The following RILPL1 variants were observed in gnomAD, a reference collection of about 807,000 sequenced individuals.
The protein encoded by RILPL1 is Rab interacting lysosomal protein like 1.
RILPL1 carries 33 observed loss-of-function variants against 50.3 expected under a neutral mutation model. The observed-to-expected ratio is 0.66, with a 90% CI of 0.50 to 0.88. The LOEUF (loss-of-function observed/expected upper bound fraction) is 0.88. RILPL1 is among the 40% of genes least tolerant of loss of function. The pLI is 0.00. For synonymous variants in RILPL1, 205 were observed against 228.6 expected (o/e 0.90, Z 0.93); for missense variants, 418 against 542.5 (o/e 0.77, Z 2.28).
chr12:123,523,483 A>AC lies in RILPL1; in HGVS notation c.460+11dup. The AC allele has an allele frequency of 6.2e-7, 1 of 1,613,708 alleles. No individual in the cohort carries two copies. The highest frequency in any genetic ancestry group is 2.2e-5 in the East Asian group (1 of 44,866). Reference sequence around the variant, plus strand: ...GGCCGGCCCCCTTGCATTGGCGCCGACCCCCACTTACCTTCATGCTTCTGG... The same window carrying AC: ...GGCCGGCCCCCTTGCATTGGCGCCGACCCCCCACTTACCTTCATGCTTCTGG... On this transcript the variant is annotated intron_variant, in intron 2 of 6. Coordinates refer to ENST00000376874, the MANE Select transcript of RILPL1 (RefSeq NM_178314.5).
intron 2 of RILPL1, among the ~76,000 whole-genome samples, chr12:123,507,361 G>A (rs1358561586): frequency 6.6e-6 from 1 of 150,494 alleles, no homozygotes; most frequent in Non-Finnish European, 1.5e-5. Context: ...CCAGGAGTTC[G>A]AGACCAGCCA....
intron 4 of RILPL1, among the ~76,000 whole-genome samples, chr12:123,493,178 A>AT (rs1882812872): frequency 6.6e-6 from 1 of 152,242 alleles, no homozygotes; most frequent in Non-Finnish European, 1.5e-5. Context: ...GATAGGGAAA[A>AT]ACCGCCTTAA....
chr12:123,523,613 C>T lies in RILPL1; in HGVS notation c.342G>A (p.Gly114=). 1 of 1,613,880 alleles carries T rather than the reference C, an allele frequency of 6.2e-7. No individual in the cohort carries two copies. Among genetic ancestry groups the T allele is most frequent in the Non-Finnish European group, 8.5e-7 (1 of 1,179,882 alleles). The change falls in exon 2 of 7, where the codon GGG becomes GGA. Residue 114 remains glycine, a synonymous_variant. Coordinates refer to ENST00000376874, the MANE Select transcript of RILPL1 (RefSeq NM_178314.5). The part of the protein sequence containing the change: ...ELELVEDVWR[G]EAQDLLSQIA... ...TCTGGGAGAGGAGGTCCTGCGCCTC[C>T]CCTCGCCACACATCCTCCACCAGCT...
intron 1 of RILPL1, among the ~76,000 whole-genome samples, chr12:123,530,160 T>C (rs1418567859): frequency 3.9e-5 from 6 of 152,134 alleles, no homozygotes; most frequent in Admixed American, 3.3e-4. Flanking sequence ...TTAACCTCAC[T>C]GGTTTGTTGT....
intron 2 of RILPL1, among the ~76,000 whole-genome samples, chr12:123,517,664 C>T (rs1485751910): frequency 6.6e-6 from 1 of 152,090 alleles, no homozygotes; most frequent in Non-Finnish European, 1.5e-5. Flanking sequence ...CCAAGTGATC[C>T]ACCCGCCTCA....
At chr12:123,486,314 G>A (rs1882331193) in intron 4 of RILPL1, among the ~76,000 whole-genome samples, 1 of 152,064 alleles carries the variant, frequency 6.6e-6, no homozygotes, top group African/African-American at 2.4e-5. Flanking sequence ...CTCCTCCCCA[G>A]TGGCTTTGAG....
At chr12:123,511,384 G>A (rs1485354054) in intron 2 of RILPL1, among the ~76,000 whole-genome samples, 31 of 148,960 alleles carry the variant, frequency 2.1e-4, no homozygotes, top group Non-Finnish European at 4.5e-4. Context: ...AGGTCTGTGT[G>A]TGTGGTGTGT....
chr12:123,518,389 C>T (rs1040468637), intron 2 of RILPL1: 22 of 404,844 alleles, frequency 5.4e-5, no homozygotes, highest in Non-Finnish European at 9.8e-5. Flanking sequence ...CACCTGTCAT[C>T]CCAGCTACTT....
At position 123,508,725 on chromosome 12, in the gene RILPL1, C is replaced by T. The variant is rs181992860; in HGVS notation, c.461-9189G>A. Among the ~76,000 whole-genome samples, 13 of 152,144 alleles carry T rather than the reference C, an allele frequency of 8.5e-5. No individual in the cohort carries two copies. The East Asian group carries it at 1.9e-3, about 23-fold the overall frequency. Reference sequence around the variant, plus strand: ...ATACCTCAATTTAAAATGTTAAGGCCGGGCACAGTGGCTCGTGCCTGTAAT... The same window carrying T: ...ATACCTCAATTTAAAATGTTAAGGCTGGGCACAGTGGCTCGTGCCTGTAAT... On this transcript the variant is annotated intron_variant, in intron 2 of 6. Coordinates refer to ENST00000376874, the MANE Select transcript of RILPL1 (RefSeq NM_178314.5).
chr12:123,484,327 G>A, intron 5 of RILPL1, 55 bp from the exon 6 acceptor site: 1 of 1,134,622 alleles, frequency 8.8e-7, no homozygotes, highest in Non-Finnish European at 1.3e-6. Context: ...TTGAGAACTG[G>A]AACATTCCAG....
At position 123,499,491 on chromosome 12, in the gene RILPL1, A is replaced by G. The variant is rs768407677; in HGVS notation, c.506T>C (p.Val169Ala). The G allele has an allele frequency of 5.0e-6, 8 of 1,612,970 alleles. No individual in the cohort carries two copies. The highest frequency in any genetic ancestry group is 6.8e-6 in the Non-Finnish European group (8 of 1,179,660). The part of the protein sequence containing the change: ...ERQVMKKLKE[V>A]VDKQRDEIRA... The stretch of plus-strand genomic sequence containing the variant: ...GATCTCGTCGCGTTGTTTGTCCACC[A>G]CCTCCTTCAGCTTCTTCATCACCTG... Residue 169 changes from valine to alanine, a missense_variant, in exon 3 of 7, where the codon GTG (valine) becomes GCG (alanine). Coordinates refer to ENST00000376874, the MANE Select transcript of RILPL1 (RefSeq NM_178314.5).
intron 6 of RILPL1, chr12:123,473,528 A>T (rs1201787441): frequency 6.6e-6 from 1 of 151,702 alleles, no homozygotes; most frequent in Non-Finnish European, 1.5e-5. Flanking sequence ...AAATAAAATA[A>T]ATATATATAT....
At chr12:123,529,143 C>T (rs1885363824) in intron 1 of RILPL1, among the ~76,000 whole-genome samples, 1 of 152,202 alleles carries the variant, frequency 6.6e-6, no homozygotes, top group African/African-American at 2.4e-5. Flanking sequence ...CCAGATCAAT[C>T]TGTGGCTGGA....
chr12:123,476,461 G>C (rs1316738667), intron 6 of RILPL1, among the ~76,000 whole-genome samples: 1 of 150,922 alleles, frequency 6.6e-6, no homozygotes, highest in Non-Finnish European at 1.5e-5. Context: ...AAGAAAAAAA[G>C]AAATAGGGTC....
chr12:123,495,592 G>C (rs1882975454), intron 4 of RILPL1, among the ~76,000 whole-genome samples: 1 of 149,480 alleles, frequency 6.7e-6, no homozygotes, highest in East Asian at 2.0e-4. Context: ...GCCAGGATGG[G>C]TTCAATCTCC....
At chr12:123,501,968 G>A (rs113022340) in intron 2 of RILPL1, among the ~76,000 whole-genome samples, 3 of 151,628 alleles carry the variant, frequency 2.0e-5, no homozygotes, top group Non-Finnish European at 4.4e-5. Flanking sequence ...CCAGCTACTC[G>A]GGAGGCTGAG....
At chr12:123,487,432 A>G (rs958523282) in intron 4 of RILPL1, among the ~76,000 whole-genome samples, 3 of 151,994 alleles carry the variant, frequency 2.0e-5, no homozygotes, top group Admixed American at 2.0e-4. Context: ...CCTCCCGAGT[A>G]GCTAGCTGGG....
rs1354591946 is a variant in RILPL1, at chr12:123,485,790, C to T, written c.817G>A (p.Glu273Lys). 1.2e-6 allele frequency: 2 copies of T among 1,606,052 alleles called. No homozygotes were observed. The highest frequency in any genetic ancestry group is 1.3e-5 in the African/African-American group (1 of 74,362). The change falls in exon 5 of 7, where the codon GAG (glutamate) becomes AAG (lysine). Residue 273 changes from glutamate (E) to lysine (K), a missense_variant. Physicochemically the swap from Glu to Lys is moderately conservative, Grantham distance 56 (BLOSUM62 1). Coordinates refer to ENST00000376874, the MANE Select transcript of RILPL1 (RefSeq NM_178314.5). This position sits in a 1 kb window ranked among gnomAD's most constrained non-coding sequence, Gnocchi z 4.0. ...EEEPETEPVG[E>K]ESISDAEKVA... is the part of the protein sequence containing the mutation. ...TTCTCTGCGTCGGAGATGCTCTCCT[C>T]TCCCACCGGCTCCGTCTGGAGGAGG...
In RILPL1 at chr12:123,485,672, T is replaced by C; in HGVS notation, c.935A>G (p.Lys312Arg). Residue 312 changes from lysine (K) to arginine (R), a missense_variant, in exon 5 of 7, where the codon AAG (lysine) becomes AGG (arginine). Transcript: ENST00000376874. The surrounding 1 kb of genome is among the most constrained non-coding windows in gnomAD (Gnocchi z 4.0). Reference sequence around the variant, plus strand: ...CAGCTCCTCCTGCAGCAAGAACACCTTGGACTTGAGCTCGTTCCTCTCGTG... The same window carrying C: ...CAGCTCCTCCTGCAGCAAGAACACCCTGGACTTGAGCTCGTTCCTCTCGTG... The part of the protein sequence containing the change: ...VLHERNELKS[K>R]VFLLQEELAY... 1 of 1,613,790 alleles carries C rather than the reference T, an allele frequency of 6.2e-7. No individual in the cohort carries two copies. The highest frequency in any genetic ancestry group is 8.5e-7 in the Non-Finnish European group (1 of 1,179,782).
Sources: gnomAD v4.1 joint callset for allele counts (sites outside exome capture counted in the v4.1 genomes callset) on GRCh38, gnomAD v4.1.1 for gene constraint, Gnocchi (gnomAD v3.1) non-coding constraint, MANE v1.5 for transcripts, NCBI Gene and HGNC (gene_info 2026-07-23, HGNC 2026-07-21) for gene names.